Variants in EPSTI1 observed in about 807,000 individuals in gnomAD.
The protein encoded by EPSTI1 is epithelial stromal interaction 1, also known as epithelial-stromal interaction protein 1.
EPSTI1 carries 66 observed loss-of-function variants against 49.9 expected under a neutral mutation model. The ratio of observed to expected loss-of-function variants is 1.32; its 90% confidence interval spans 1.08 to 1.62. The LOEUF is 1.62. EPSTI1 is among the 40% of genes most tolerant of loss of function. EPSTI1 has a pLI of 0.00. For synonymous variants in EPSTI1, 137 were observed against 130.7 expected (o/e 1.05, Z -0.33); for missense variants, 394 against 365.5 (o/e 1.08, Z -0.64).
intron 8 of EPSTI1, among the ~76,000 whole-genome samples, chr13:42,915,674 T>C (rs924070485): frequency 1.3e-5 from 2 of 152,228 alleles, no homozygotes; most frequent in Non-Finnish European, 2.9e-5. Context: ...GATGGAATTA[T>C]TTGTATATTA....
At chr13:42,955,960 T>C (rs2039257075) in intron 5 of EPSTI1, among the ~76,000 whole-genome samples, 1 of 151,910 alleles carries the variant, frequency 6.6e-6, no homozygotes, top group East Asian at 1.9e-4. Flanking sequence ...CAAATGCCTG[T>C]TATATGCTCG....
intron 9 of EPSTI1, among the ~76,000 whole-genome samples, chr13:42,896,675 C>T (rs1293268520): frequency 6.6e-6 from 1 of 152,204 alleles, no homozygotes. Context: ...AAAGAAATGT[C>T]TTCCTTTTGC....
intron 1 of EPSTI1, among the ~76,000 whole-genome samples, chr13:42,974,489 CT>C (rs1337034574): frequency 1.5e-5 from 2 of 135,666 alleles, no homozygotes; most frequent in African/African-American, 2.8e-5. Context: ...AACCCCGTCT[CT>C]ACTAAAAATA....
At chr13:42,891,264 T>C (rs2037027153) in intron 10 of EPSTI1, among the ~76,000 whole-genome samples, 1 of 152,244 alleles carries the variant, frequency 6.6e-6, no homozygotes, top group South Asian at 2.1e-4. Context: ...TAATACTTCC[T>C]TCTTTTTAAT....
chr13:42,890,851 G>A (rs1044370397), intron 10 of EPSTI1, among the ~76,000 whole-genome samples: 2 of 151,860 alleles, frequency 1.3e-5, no homozygotes, highest in Non-Finnish European at 2.9e-5. Context: ...TAACGGAAAT[G>A]TTTTTAATGT....
chr13:42,894,921 G>C, intron 10 of EPSTI1, 88 bp downstream of exon 10: 1 of 1,152,316 alleles, frequency 8.7e-7, no homozygotes, highest in Non-Finnish European at 1.2e-6. Context: ...GTAATATCTG[G>C]GGAGAAGGCC....
chr13:42,991,969 A>G lies in EPSTI1; in HGVS notation c.188+9T>C. 6.2e-7 allele frequency: 1 copy of G among 1,612,912 alleles called. No individual in the cohort carries two copies. The highest frequency in any genetic ancestry group is 2.2e-5 in the East Asian group (1 of 44,826). ...TCCCGCCCCGAAGCCAGGTTGTTAA[A>G]ATACTCACCGCCTCTGGCCCGCGTG... is the stretch of plus-strand genomic sequence containing the variant. On this transcript the variant is annotated intron_variant, in intron 1 of 10. Transcript: ENST00000313624.
intron 7 of EPSTI1, among the ~76,000 whole-genome samples, chr13:42,920,452 AG>A (rs1420988288): frequency 3.9e-5 from 6 of 152,198 alleles, no homozygotes; most frequent in African/African-American, 1.4e-4. Context: ...ACTTGCTGGA[AG>A]GGGCTAGAGG....
intron 6 of EPSTI1, among the ~76,000 whole-genome samples, chr13:42,933,133 T>C (rs1322600576): frequency 1.3e-5 from 2 of 152,154 alleles, no homozygotes; most frequent in Non-Finnish European, 1.5e-5. Context: ...TGATGGAATA[T>C]GAATAAGGTC....
chr13:42,929,977 C>T lies in EPSTI1; in HGVS notation c.564-3548G>A, dbSNP rs945197161. On this transcript the variant is annotated intron_variant, in intron 6 of 10. Coordinates refer to ENST00000313624, the MANE Select transcript of EPSTI1 (RefSeq NM_033255.5). The stretch of plus-strand genomic sequence containing the variant: ...CATCTGTGGTGCTTCCTAGAAATTA[C>T]TGGACTCAGGCCTCTGACTCTAATT... 3.3e-5 allele frequency among the ~76,000 whole-genome samples: 5 copies of T among 152,286 alleles called. No homozygotes were observed. The East Asian group carries it at 7.7e-4, about 24-fold the overall frequency.
At position 42,900,361 on chromosome 13, in the gene EPSTI1, C is replaced by A; in HGVS notation, c.764G>T (p.Arg255Leu). ...HQKSELLELKRQQQEQERAKI... is the reference protein window; with the variant it reads ...HQKSELLELKLQQQEQERAKI... ...GGCTCTTTCTTGCTCTTGCTGCTGC[C>A]GTTTCAGTTCCAGTAATTCACTCTA... The change falls in exon 9 of 11, where the codon CGG (arginine) becomes CTG (leucine). Residue 255 changes from arginine (R) to leucine (L), a missense_variant. Transcript: ENST00000313624. The A allele has an allele frequency of 6.2e-7, 1 of 1,613,496 alleles. No individual in the cohort carries two copies. Among genetic ancestry groups the A allele is most frequent in the Non-Finnish European group, 8.5e-7 (1 of 1,179,690 alleles).
intron 8 of EPSTI1, among the ~76,000 whole-genome samples, chr13:42,901,988 A>G (rs1041570738): frequency 1.4e-5 from 2 of 147,974 alleles, no homozygotes; most frequent in African/African-American, 5.0e-5. Context: ...TCATTGTTCA[A>G]TTCCCACCTA....
At chr13:42,959,607 A>ATG in intron 5 of EPSTI1, among the ~76,000 whole-genome samples, 1 of 152,292 alleles carries the variant, frequency 6.6e-6, no homozygotes, top group South Asian at 2.1e-4. Context: ...TTCCTACTTC[A>ATG]CCGTATAGCA....
chr13:42,956,698 T>C (rs2039282693), intron 5 of EPSTI1, among the ~76,000 whole-genome samples: 2 of 152,276 alleles, frequency 1.3e-5, no homozygotes, highest in Admixed American at 6.5e-5. Context: ...AAGGCAACCA[T>C]GGGCTGGTAG....
At chr13:42,974,882 G>A (rs2039851241) in intron 1 of EPSTI1, among the ~76,000 whole-genome samples, 1 of 152,118 alleles carries the variant, frequency 6.6e-6, no homozygotes, top group Non-Finnish European at 1.5e-5. Context: ...GTAATTAGGA[G>A]CAACACTGGT....
At chr13:42,906,882 A>G (rs2037514680) in intron 8 of EPSTI1, among the ~76,000 whole-genome samples, 1 of 151,818 alleles carries the variant, frequency 6.6e-6, no homozygotes, top group Non-Finnish European at 1.5e-5. Flanking sequence ...ACATATTTAT[A>G]GGATACAATT....
intron 10 of EPSTI1, among the ~76,000 whole-genome samples, chr13:42,891,594 C>G (rs1172706647): frequency 6.6e-6 from 1 of 152,070 alleles, no homozygotes; most frequent in Non-Finnish European, 1.5e-5. Context: ...CTCATTATTT[C>G]AAATCCAATT....
intron 1 of EPSTI1, among the ~76,000 whole-genome samples, chr13:42,978,176 T>G (rs925755699): frequency 2.0e-5 from 3 of 151,756 alleles, no homozygotes; most frequent in African/African-American, 7.3e-5. Context: ...AAAGTTTATT[T>G]TGCCAAGGTT....
In EPSTI1 at chr13:42,887,646, C is replaced by G. The variant is rs2036901287; in HGVS notation, c.*848G>C. ...ACACTCTAGGGTCTGAGAACTGGTT[C>G]AGGGTCACAGAAGTGAATAAGAAAG... On this transcript the variant is annotated 3_prime_UTR_variant, in exon 11 of 11. Coordinates refer to ENST00000313624, the MANE Select transcript of EPSTI1 (RefSeq NM_033255.5). The G allele has an allele frequency of 6.6e-6, 1 of 152,150 alleles. No homozygotes were observed. Among genetic ancestry groups the G allele is most frequent in the Non-Finnish European group, 1.5e-5 (1 of 68,054 alleles). 9.4% of individuals were successfully genotyped at this position (152,150 alleles called of 1,614,324 possible).
Sources: gnomAD v4.1 joint callset for allele counts (sites outside exome capture counted in the v4.1 genomes callset) on GRCh38, gnomAD v4.1.1 for gene constraint, MANE v1.5 for transcripts, NCBI Gene and HGNC (gene_info 2026-07-23, HGNC 2026-07-21) for gene names.